Variants in BTRC observed in about 807,000 individuals in gnomAD.
BTRC encodes the protein beta-transducin repeat containing E3 ubiquitin protein ligase, also known as F-box/WD repeat-containing protein 1A.
BTRC carries 42 observed loss-of-function variants against 85.5 expected under a neutral mutation model. The observed-to-expected ratio is 0.49, with a 90% confidence interval of 0.38 to 0.64. The LOEUF (loss-of-function observed/expected upper bound fraction) is 0.64. Ranked by LOEUF, BTRC falls within the 30% of genes least tolerant of loss-of-function variation. The probability of loss-of-function intolerance (pLI) is 0.00; values close to 1 mark genes in which losing one functional copy is unlikely to be tolerated. For missense variants in BTRC, 594 were observed against 743.5 expected, an observed-to-expected ratio of 0.80 and a Z score of 2.34; for synonymous variants, 255 against 263.3, an observed-to-expected ratio of 0.97 and a Z score of 0.30.
intron 1 of BTRC, among the ~76,000 whole-genome samples, chr10:101,406,159 T>G (rs1943614015): frequency 6.6e-6 from 1 of 152,012 alleles, no homozygotes; most frequent in Non-Finnish European, 1.5e-5. Context: ...TATGAAATAG[T>G]CCTCTTTATT....
intron 1 of BTRC, among the ~76,000 whole-genome samples, chr10:101,368,680 TG>T (rs1370801641): frequency 6.6e-6 from 1 of 152,054 alleles, no homozygotes; most frequent in African/African-American, 2.4e-5. Flanking sequence ...TAGCAGTGTA[TG>T]GGAGTCCCAG....
intron 1 of BTRC, among the ~76,000 whole-genome samples, chr10:101,416,397 ATGTT>A (rs1943946846): frequency 6.6e-6 from 1 of 152,130 alleles, no homozygotes; most frequent in Non-Finnish European, 1.5e-5. Flanking sequence ...TTTAATGAAA[ATGTT>A]AGAGACTCTG....
At chr10:101,394,333 C>T (rs1943311548) in intron 1 of BTRC, among the ~76,000 whole-genome samples, 1 of 152,104 alleles carries the variant, frequency 6.6e-6, no homozygotes, top group Non-Finnish European at 1.5e-5. Context: ...TATAAAAATA[C>T]TATTTTGTAT....
intron 4 of BTRC, among the ~76,000 whole-genome samples, chr10:101,515,209 G>C (rs969889717): frequency 3.3e-5 from 5 of 152,112 alleles, no homozygotes; most frequent in African/African-American, 4.8e-5. Flanking sequence ...ACTCACCTCA[G>C]ACTCCCAAAG....
At chr10:101,458,998 C>G (rs1945151583) in intron 2 of BTRC, among the ~76,000 whole-genome samples, 1 of 152,210 alleles carries the variant, frequency 6.6e-6, no homozygotes. Context: ...TGGTGTCTTG[C>G]TGTGATGCCC....
Position 101,555,677 on chromosome 10 carries a change from A to G in BTRC, c.*2554A>G, listed in dbSNP as rs923650992. 7 of 152,680 alleles carry G rather than the reference A, an allele frequency of 4.6e-5. No homozygotes were observed. Among genetic ancestry groups the G allele is most frequent in the African/African-American group, 9.6e-5 (4 of 41,468 alleles). The allele number at this position is 152,680 out of a possible 1,614,324, so 9.5% of individuals were successfully genotyped here. A position where few individuals can be genotyped will look rare whatever the true frequency, so the allele number is the denominator to read the frequency against. On this transcript the variant is annotated 3_prime_UTR_variant, in exon 15 of 15. Coordinates refer to ENST00000370187, the MANE Select transcript of BTRC (RefSeq NM_033637.4). ...GGGAATTGATTATCACTAATCCCCA[A>G]CTGGGCTAGAATAAATGTAAAGTTT...
At chr10:101,418,115 C>T (rs1210987311) in intron 1 of BTRC, among the ~76,000 whole-genome samples, 2 of 152,062 alleles carry the variant, frequency 1.3e-5, no homozygotes, top group African/African-American at 4.8e-5. Context: ...ACCAGTAATC[C>T]CAGCACTTTG....
intron 2 of BTRC, among the ~76,000 whole-genome samples, chr10:101,449,801 A>G (rs1443688357): frequency 2.0e-5 from 3 of 151,848 alleles, no homozygotes; most frequent in Admixed American, 6.6e-5. Flanking sequence ...TGAACAGTGT[A>G]AACGTATGTG....
chr10:101,439,408 C>T (rs1452417584), intron 2 of BTRC, among the ~76,000 whole-genome samples: 1 of 152,204 alleles, frequency 6.6e-6, no homozygotes, highest in African/African-American at 2.4e-5. Flanking sequence ...CGTTGAACAT[C>T]TCCACTCTGA....
intron 4 of BTRC, among the ~76,000 whole-genome samples, chr10:101,487,281 A>G (rs760881547): frequency 1.3e-5 from 2 of 152,204 alleles, no homozygotes; most frequent in Non-Finnish European, 2.9e-5. Flanking sequence ...TCTTATGCCA[A>G]CCCATTTCTT....
At position 101,369,528 on chromosome 10, in the gene BTRC, T is replaced by C. The variant is rs549082228; in HGVS notation, c.48+15300T>C. ...ACTCCAGGCTCTTCTTATACTTTTT[T>C]TGCCCTAGCCCTGGAATTAGTGATT... On this transcript the variant is annotated intron_variant, in intron 1 of 14. Coordinates refer to ENST00000370187, the MANE Select transcript of BTRC (RefSeq NM_033637.4). Among the ~76,000 whole-genome samples, 316 of 152,340 alleles carry C rather than the reference T, an allele frequency of 2.1e-3. 3 individuals are homozygous for C. The highest frequency in any genetic ancestry group is 7.1e-3 in the African/African-American group (294 of 41,566).
chr10:101,531,719 A>T, intron 7 of BTRC, among the ~76,000 whole-genome samples: 1 of 61,112 alleles, frequency 1.6e-5, no homozygotes, highest in East Asian at 2.7e-4. Context: ...AGACTCCATC[A>T]AAAAAAAAGA....
rs1287286760 is a variant in BTRC at position 101,553,625 on chromosome 10, C to T, written c.*502C>T. ...CCCTGTTAACTGCAGGAATGCCAAG[C>T]ACCTGGCCAGAGCAGCCCAGCCCCA... On this transcript the variant is annotated 3_prime_UTR_variant, in exon 15 of 15. Coordinates refer to ENST00000370187, the MANE Select transcript of BTRC (RefSeq NM_033637.4). 1 of 152,742 alleles carries T rather than the reference C, an allele frequency of 6.5e-6. No individual in the cohort carries two copies. The highest frequency in any genetic ancestry group is 1.5e-5 in the Non-Finnish European group (1 of 68,160). 9.5% of individuals were successfully genotyped at this position (152,742 alleles called of 1,614,324 possible).
chr10:101,370,106 T>C (rs1199527847), intron 1 of BTRC, among the ~76,000 whole-genome samples: 1 of 152,214 alleles, frequency 6.6e-6, no homozygotes, highest in Admixed American at 6.5e-5. Flanking sequence ...TGTATGGACA[T>C]ATCCCTTATC....
At chr10:101,385,366 CAAA>C (rs10718968) in intron 1 of BTRC, among the ~76,000 whole-genome samples, 117 of 82,914 alleles carry the variant, frequency 1.4e-3, no homozygotes, top group African/African-American at 4.7e-3. Flanking sequence ...GACTCTGTCT[CAAA>C]AAAAAAAAAA....
chr10:101,431,441 A>G (rs1282479299), intron 2 of BTRC, among the ~76,000 whole-genome samples: 1 of 152,074 alleles, frequency 6.6e-6, no homozygotes, highest in East Asian at 1.9e-4. Context: ...ATAGAGAAAT[A>G]ATGTGGAAAA....
chr10:101,515,515 A>G (rs1292701672), intron 4 of BTRC, among the ~76,000 whole-genome samples: 2 of 145,692 alleles, frequency 1.4e-5, no homozygotes, highest in East Asian at 2.0e-4. Context: ...AATTTTATCC[A>G]TTTTTTTTTT....
chr10:101,505,231 T>G (rs1258797763), intron 4 of BTRC, among the ~76,000 whole-genome samples: 1 of 126,172 alleles, frequency 7.9e-6, no homozygotes, highest in Non-Finnish European at 1.6e-5. Flanking sequence ...CTAAGACTCT[T>G]GACCTTAAGT....
At chr10:101,415,221 G>A (rs1369910769) in intron 1 of BTRC, among the ~76,000 whole-genome samples, 1 of 151,882 alleles carries the variant, frequency 6.6e-6, no homozygotes, top group Non-Finnish European at 1.5e-5. Flanking sequence ...TGTTGCCTGG[G>A]CTGGAGTGCA....
Sources: allele counts gnomAD v4.1 joint callset (sites outside exome capture counted in the v4.1 genomes callset), GRCh38; gene constraint gnomAD v4.1.1; transcripts MANE v1.5; gene names NCBI Gene and HGNC (gene_info 2026-07-23, HGNC 2026-07-21).